Variants in PYURF observed in about 807,000 individuals in gnomAD.
PYURF encodes protein preY, mitochondrial.
Under a neutral mutation model 8.0 loss-of-function variants are expected in PYURF, and 9 were observed. The observed-to-expected ratio is 1.13, with a 90% CI of 0.68 to 1.97. The LOEUF is 1.97. Ranked by LOEUF, PYURF falls within the 30% of genes most tolerant of loss-of-function variation. The pLI is 0.00. For missense variants in PYURF, 130 were observed against 158.0 expected (o/e 0.82, Z 0.95); for synonymous variants, 56 against 68.3 (o/e 0.82, Z 0.89).
rs746806406 is a variant in PYURF at position 88,523,674 on chromosome 4, G to T, written c.27C>A (p.Leu9=). MLSGARCR[L]ASALRGTRAP... Reference sequence around the variant, plus strand: ...CGCGCGTTCCCCGCAGCGCTGAGGCGAGCCTGCAGCGTGCTCCACTCAGCA... The same window carrying T: ...CGCGCGTTCCCCGCAGCGCTGAGGCTAGCCTGCAGCGTGCTCCACTCAGCA... Residue 9 remains leucine, a synonymous_variant, in exon 1 of 2, where the codon CTC becomes CTA. Coordinates refer to ENST00000273968, the MANE Select transcript of PYURF (RefSeq NM_032906.5). 2.1e-5 allele frequency: 32 copies of T among 1,520,644 alleles called. No individual in the cohort carries two copies. In the South Asian group the frequency reaches 3.2e-4, roughly 15 times the overall value. The allele number at this position is 1,520,644 out of a possible 1,614,324, so 94.2% of individuals were successfully genotyped here.
At position 88,521,049 on chromosome 4, in the gene PYURF, A is replaced by C. The variant is rs543266697; in HGVS notation, c.*839T>G. The C allele has an allele frequency of 1.3e-5, 2 of 153,828 alleles. No individual in the cohort carries two copies. The highest frequency in any genetic ancestry group is 4.1e-4 in the South Asian group (2 of 4,914). The allele number at this position is 153,828 out of a possible 1,614,324, so 9.5% of individuals were successfully genotyped here. ...ATGTTTATTGCTAATATAAGCATTT[A>C]ATGTCAAAGAAATGAAGGTAATTTT... On this transcript the variant is annotated 3_prime_UTR_variant, in exon 2 of 2. Coordinates refer to ENST00000273968, the MANE Select transcript of PYURF (RefSeq NM_032906.5).
intron 1 of PYURF, among the ~76,000 whole-genome samples, chr4:88,522,969 T>C (rs1458738144): frequency 1.3e-5 from 2 of 152,120 alleles, no homozygotes; most frequent in Admixed American, 6.6e-5. Context: ...GGTGGTACAT[T>C]AGAAATCATT....
rs1742469819 is a variant in PYURF, at chr4:88,523,639, G to A, written c.62C>T (p.Ser21Phe). 1.3e-6 allele frequency: 2 copies of A among 1,541,042 alleles called. No individual in the cohort carries two copies. Among genetic ancestry groups the A allele is most frequent in the Non-Finnish European group, 8.7e-7 (1 of 1,144,782 alleles). The change falls in exon 1 of 2, where the codon TCC becomes TTC. Residue 21 changes from serine to phenylalanine, a missense_variant. Physicochemically the swap from Ser to Phe is radical, Grantham distance 155. Transcript: ENST00000273968. ...GTGCAGGCACCTACGGGCGACCGCGGACGGCGGCGCGCGCGTTCCCCGCAG... is the reference window on the plus strand; with the variant it reads ...GTGCAGGCACCTACGGGCGACCGCGAACGGCGGCGCGCGCGTTCCCCGCAG... ...SALRGTRAPP[S>F]AVARRCLHAS...
In PYURF at chr4:88,523,418, G is replaced by A. The variant is rs1742451813; in HGVS notation, c.203+80C>T. 4.2e-6 allele frequency: 6 copies of A among 1,430,002 alleles called. No individual in the cohort carries two copies. In the Admixed American group the frequency reaches 9.9e-5, roughly 24 times the overall value. 88.6% of individuals were successfully genotyped at this position (1,430,002 alleles called of 1,614,324 possible). On this transcript the variant is annotated intron_variant, in intron 1 of 1. Coordinates refer to ENST00000273968, the MANE Select transcript of PYURF (RefSeq NM_032906.5). Reference sequence around the variant, plus strand: ...CCTGACCGACCTACAAGGCCCCAGTGGCTGCAAGAGGCCGCGGTCCACCGC... The same window carrying A: ...CCTGACCGACCTACAAGGCCCCAGTAGCTGCAAGAGGCCGCGGTCCACCGC...
In PYURF at chr4:88,521,813, C is replaced by A. The variant is rs764649430; in HGVS notation, c.*75G>T. ...ATTCTTCTCTTCCACTTATTACCTGCCACTGTGTTTTAAAAGGTATATGGT... is the reference window on the plus strand; with the variant it reads ...ATTCTTCTCTTCCACTTATTACCTGACACTGTGTTTTAAAAGGTATATGGT... On this transcript the variant is annotated 3_prime_UTR_variant, in exon 2 of 2. Transcript: ENST00000273968. 1 of 1,599,476 alleles carries A rather than the reference C, an allele frequency of 6.3e-7. No homozygotes were observed. Among genetic ancestry groups the A allele is most frequent in the Non-Finnish European group, 8.5e-7 (1 of 1,172,230 alleles).
At chr4:88,523,035 G>A (rs1742427171) in intron 1 of PYURF, among the ~76,000 whole-genome samples, 1 of 151,938 alleles carries the variant, frequency 6.6e-6, no homozygotes, top group Non-Finnish European at 1.5e-5. Context: ...CCTGTCTCTC[G>A]ACTCCTGAGG....
At chr4:88,523,456 C>G (rs978414913) in intron 1 of PYURF, 42 bp downstream of exon 1, 1 of 1,546,848 alleles carries the variant, frequency 6.5e-7, no homozygotes, top group Non-Finnish European at 8.7e-7. Flanking sequence ...CCTTTCCGCC[C>G]ACCGGGAGGC....
In PYURF at chr4:88,521,082, C is replaced by CA. The variant is rs1742359828; in HGVS notation, c.*805dup. 2 of 153,070 alleles carry CA rather than the reference C, an allele frequency of 1.3e-5. No individual in the cohort carries two copies. Among genetic ancestry groups the CA allele is most frequent in the South Asian group, 4.1e-4 (2 of 4,868 alleles). 9.5% of individuals were successfully genotyped at this position (153,070 alleles called of 1,614,324 possible). On this transcript the variant is annotated 3_prime_UTR_variant, in exon 2 of 2. Transcript: ENST00000273968. ...AGAAATGAAGGTAATTTTACAAACT[C>CA]AGTTTTTGTAAGTACATGAAGTTTC... is the stretch of plus-strand genomic sequence containing the variant.
chr4:88,521,633 C>T lies in PYURF; in HGVS notation c.*255G>A, dbSNP rs1411468806. 1 of 1,613,848 alleles carries T rather than the reference C, an allele frequency of 6.2e-7. No homozygotes were observed. The highest frequency in any genetic ancestry group is 8.5e-7 in the Non-Finnish European group (1 of 1,179,858). On this transcript the variant is annotated 3_prime_UTR_variant, in exon 2 of 2. Coordinates refer to ENST00000273968, the MANE Select transcript of PYURF (RefSeq NM_032906.5). Reference sequence around the variant, plus strand: ...GTCCAAAGGTGGAAGAATACATACACTGGTATGGTAATAGGCAAGAGCAGG... The same window carrying T: ...GTCCAAAGGTGGAAGAATACATACATTGGTATGGTAATAGGCAAGAGCAGG...
At position 88,521,849 on chromosome 4, in the gene PYURF, G is replaced by T. The variant is rs1379565707; in HGVS notation, c.*39C>A. ...TAAAAGGTATATGGTATTAAGAAAAGTTGGCTGTTGCGTTTTTTTAATTTT... is the reference window on the plus strand; with the variant it reads ...TAAAAGGTATATGGTATTAAGAAAATTTGGCTGTTGCGTTTTTTTAATTTT... On this transcript the variant is annotated 3_prime_UTR_variant, in exon 2 of 2. Transcript: ENST00000273968. The T allele has an allele frequency of 1.9e-6, 3 of 1,560,852 alleles. No homozygotes were observed. In the South Asian group the frequency reaches 3.6e-5, roughly 19 times the overall value.
chr4:88,521,600 C>A lies in PYURF; in HGVS notation c.*288G>T, dbSNP rs758666558. The stretch of plus-strand genomic sequence containing the variant: ...CAATTATGCCTGAAGAGTTTAATAC[C>A]CATCCAAGTCCAAAGGTGGAAGAAT... On this transcript the variant is annotated 3_prime_UTR_variant, in exon 2 of 2. Coordinates refer to ENST00000273968, the MANE Select transcript of PYURF (RefSeq NM_032906.5). 1 of 1,612,972 alleles carries A rather than the reference C, an allele frequency of 6.2e-7. No individual in the cohort carries two copies. The highest frequency in any genetic ancestry group is 1.3e-5 in the African/African-American group (1 of 75,012).
intron 1 of PYURF, among the ~76,000 whole-genome samples, chr4:88,522,500 GA>G (rs1447034994): frequency 2.0e-5 from 3 of 152,166 alleles, no homozygotes; most frequent in Non-Finnish European, 4.4e-5. Flanking sequence ...CAGAAATGAA[GA>G]AACTTTCGAA....
chr4:88,523,736 T>A lies in PYURF; in HGVS notation c.-36A>T. ...CCGGAGACCAGGCCTCACCGCAGCC[T>A]CGCCACCCGTGGCCGAGCTCCCGGC... is the stretch of plus-strand genomic sequence containing the variant. On this transcript the variant is annotated 5_prime_UTR_variant, in exon 1 of 2. Transcript: ENST00000273968. 7.1e-7 allele frequency: 1 copy of A among 1,403,982 alleles called. No individual in the cohort carries two copies. The highest frequency in any genetic ancestry group is 9.2e-7 in the Non-Finnish European group (1 of 1,086,284). 87.0% of individuals were successfully genotyped at this position (1,403,982 alleles called of 1,614,324 possible).
At position 88,521,148 on chromosome 4, in the gene PYURF, ATT is replaced by A. The variant is rs1742361523; in HGVS notation, c.*738_*739del. ...TTTTATATCACATTCGTTCAAATGC[ATT>A]TCTCTCCCTTAGAGGGACTATTCCA... On this transcript the variant is annotated 3_prime_UTR_variant, in exon 2 of 2. Coordinates refer to ENST00000273968, the MANE Select transcript of PYURF (RefSeq NM_032906.5). 3 of 158,384 alleles carry A rather than the reference ATT, an allele frequency of 1.9e-5. No homozygotes were observed. Among genetic ancestry groups the A allele is most frequent in the Admixed American group, 1.8e-4 (3 of 16,218 alleles). 9.8% of individuals were successfully genotyped at this position (158,384 alleles called of 1,614,324 possible).
At chr4:88,522,105 C>T in intron 1 of PYURF, 76 bp from the exon 2 acceptor site, 1 of 1,354,078 alleles carries the variant, frequency 7.4e-7, no homozygotes, top group Non-Finnish European at 9.9e-7. Flanking sequence ...TCAACAAATA[C>T]CACCATTTAT....
Position 88,523,774 on chromosome 4 carries a change from C to T in PYURF, c.-74G>A. 3.7e-6 allele frequency: 5 copies of T among 1,356,520 alleles called. No individual in the cohort carries two copies. Among genetic ancestry groups the T allele is most frequent in the Non-Finnish European group, 4.8e-6 (5 of 1,046,856 alleles). The allele number at this position is 1,356,520 out of a possible 1,614,324, so 84.0% of individuals were successfully genotyped here. On this transcript the variant is annotated 5_prime_UTR_variant, in exon 1 of 2. Transcript: ENST00000273968. ...CCGAGCTCCCGGCTTCCCGTTCGTC[C>T]AGGCCAGCCGGGCAGGCCCCGCCCC... is the stretch of plus-strand genomic sequence containing the variant.
rs551497270 is a variant in PYURF at position 88,523,642 on chromosome 4, G to A, written c.59C>T (p.Pro20Leu). The part of the protein sequence containing the change: ...ASALRGTRAP[P>L]SAVARRCLHA... ...CAGGCACCTACGGGCGACCGCGGACGGCGGCGCGCGCGTTCCCCGCAGCGC... is the reference window on the plus strand; with the variant it reads ...CAGGCACCTACGGGCGACCGCGGACAGCGGCGCGCGCGTTCCCCGCAGCGC... Residue 20 changes from proline to leucine, a missense_variant, in exon 1 of 2, where the codon CCG (proline) becomes CTG (leucine). Transcript: ENST00000273968. The A allele has an allele frequency of 3.2e-6, 5 of 1,540,060 alleles. No individual in the cohort carries two copies. Among genetic ancestry groups the A allele is most frequent in the South Asian group, 2.4e-5 (2 of 83,598 alleles).
chr4:88,522,508 C>T (rs1182277111), intron 1 of PYURF, among the ~76,000 whole-genome samples: 4 of 152,156 alleles, frequency 2.6e-5, no homozygotes, highest in Admixed American at 6.5e-5. Flanking sequence ...AAGAAACTTT[C>T]GAAAGCACTA....
chr4:88,523,186 T>G (rs1742439317), intron 1 of PYURF, among the ~76,000 whole-genome samples: 2 of 152,008 alleles, frequency 1.3e-5, no homozygotes, highest in Non-Finnish European at 2.9e-5. Flanking sequence ...TCTTGGGGGC[T>G]GTCGGGGAAT....
Sources: gnomAD v4.1 joint callset for allele counts (sites outside exome capture counted in the v4.1 genomes callset) on GRCh38, gnomAD v4.1.1 for gene constraint, MANE v1.5 for transcripts, NCBI Gene and HGNC (gene_info 2026-07-23, HGNC 2026-07-21) for gene names.